COLEC10: variants seen among roughly 807,000 people sequenced by gnomAD.
The protein encoded by COLEC10 is collectin-10.
A neutral mutation model predicts 28.4 loss-of-function variants in COLEC10; 22 were observed. That is an observed-to-expected ratio of 0.78 (90% CI 0.55 to 1.11). COLEC10 has a LOEUF of 1.11. Among genes scored for constraint, COLEC10 ranks in the 50% least tolerant of loss-of-function variants. The probability of loss-of-function intolerance (pLI) is 0.00; values close to 1 mark genes in which losing one functional copy is unlikely to be tolerated. For synonymous variants in COLEC10, 125 were observed against 116.1 expected, an observed-to-expected ratio of 1.08 and a Z score of -0.49; for missense variants, 361 against 344.1, an observed-to-expected ratio of 1.05 and a Z score of -0.39.
At chr8:118,981,910 G>A in the COLEC10 span, among the ~76,000 whole-genome samples, 1 of 152,042 alleles carries the variant, frequency 6.6e-6, no homozygotes, top group Non-Finnish European at 1.5e-5. Context: ...CTCCTAGTGT[G>A]ATGAAGGGTT....
At chr8:118,997,843 C>T (rs895567159) in intron 1 of COLEC10, among the ~76,000 whole-genome samples, 5 of 152,046 alleles carry the variant, frequency 3.3e-5, no homozygotes, top group Non-Finnish European at 5.9e-5. Context: ...AAGGCATGCA[C>T]CTGGAGCTTC....
At chr8:119,071,089 C>T (rs1471580006) in intron 1 of COLEC10, among the ~76,000 whole-genome samples, 1 of 152,064 alleles carries the variant, frequency 6.6e-6, no homozygotes, top group Non-Finnish European at 1.5e-5. Flanking sequence ...AAAATACAGT[C>T]CCCCAGTCAC....
intron 2 of COLEC10, among the ~76,000 whole-genome samples, chr8:119,029,906 G>A (rs1373727388): frequency 6.6e-6 from 1 of 152,184 alleles, no homozygotes; most frequent in Non-Finnish European, 1.5e-5. Flanking sequence ...AGCATGGGTT[G>A]ACCAGGAAGC....
At chr8:119,011,635 A>C (rs1488644740) in intron 2 of COLEC10, among the ~76,000 whole-genome samples, 1 of 150,974 alleles carries the variant, frequency 6.6e-6, no homozygotes, top group Non-Finnish European at 1.5e-5. Flanking sequence ...AATTTCTTTC[A>C]CAAGAGTTTT....
chr8:119,024,789 C>T (rs74886972), intron 2 of COLEC10, among the ~76,000 whole-genome samples: 6,690 of 152,150 alleles, frequency 0.044, 217 homozygotes, highest in East Asian at 0.16. Context: ...AGTCATCTGA[C>T]TTACAGAAAG....
chr8:118,970,591 G>A, the COLEC10 span, among the ~76,000 whole-genome samples: 2 of 151,226 alleles, frequency 1.3e-5, no homozygotes, highest in Admixed American at 1.3e-4. Context: ...ATGCATAGTG[G>A]AATCTCAATA....
intron 2 of COLEC10, among the ~76,000 whole-genome samples, chr8:119,049,401 CTTTTTTTTTTTTTTTTT>C (rs34885340): frequency 1.7e-4 from 10 of 60,072 alleles, no homozygotes; most frequent in Admixed American, 9.5e-4. Context: ...ATTTTCTTTT[CTTTTTTTTTTTTTTTTT>C]TTTTTTTTTT....
intron 1 of COLEC10, 38 bp downstream of exon 1, chr8:119,067,467 TATG>T (rs1814994157): frequency 1.3e-6 from 2 of 1,589,422 alleles, no homozygotes; most frequent in East Asian, 4.5e-5. Context: ...GTATAATAAA[TATG>T]ATATCTTCCC....
intron 2 of COLEC10, among the ~76,000 whole-genome samples, chr8:119,055,526 T>C (rs978957956): frequency 1.3e-5 from 2 of 152,118 alleles, no homozygotes; most frequent in African/African-American, 4.8e-5. Flanking sequence ...GGAGCAAAAT[T>C]TGTGATGGCA....
the COLEC10 span, among the ~76,000 whole-genome samples, chr8:118,956,513 G>A: frequency 1.1e-4 from 17 of 152,254 alleles, no homozygotes; most frequent in South Asian, 3.5e-3. Context: ...ATCAGCTCAA[G>A]GAAGAGATAC....
chr8:118,986,569 A>G, the COLEC10 span, among the ~76,000 whole-genome samples: 2 of 152,318 alleles, frequency 1.3e-5, no homozygotes, highest in Admixed American at 1.3e-4. Context: ...ATTGAAAGTA[A>G]TGTTTGGATG....
At chr8:119,000,413 G>C (rs1451440091) in intron 1 of COLEC10, among the ~76,000 whole-genome samples, 1 of 152,144 alleles carries the variant, frequency 6.6e-6, no homozygotes, top group Non-Finnish European at 1.5e-5. Context: ...CAGCACAGTT[G>C]TGTGCTTTTC....
At chr8:119,053,348 C>T (rs1157261143) in intron 2 of COLEC10, among the ~76,000 whole-genome samples, 6 of 152,026 alleles carry the variant, frequency 3.9e-5, no homozygotes, top group African/African-American at 9.7e-5. Flanking sequence ...AAGGGCAATA[C>T]GCTAGCAAAG....
At chr8:119,003,002 CA>C (rs1196878705) in intron 1 of COLEC10, among the ~76,000 whole-genome samples, 1 of 151,928 alleles carries the variant, frequency 6.6e-6, no homozygotes, top group Admixed American at 6.6e-5. Context: ...GGCTTAGTTC[CA>C]ATTGAACTTG....
intron 3 of COLEC10, among the ~76,000 whole-genome samples, chr8:119,091,595 G>GAGAAAGAAAGAA (rs200954056): frequency 1.5e-3 from 205 of 138,556 alleles, no homozygotes; most frequent in Non-Finnish European, 1.8e-3. Flanking sequence ...GAGAGAGAGA[G>GAGAAAGAAAGAA]AGAAAGAAAG....
At chr8:119,029,184 T>G (rs1387030084) in intron 2 of COLEC10, among the ~76,000 whole-genome samples, 5 of 152,172 alleles carry the variant, frequency 3.3e-5, no homozygotes, top group Non-Finnish European at 5.9e-5. Context: ...TTAGACTTTA[T>G]GCAAGGGTAT....
chr8:118,960,467 A>G, the COLEC10 span, among the ~76,000 whole-genome samples: 1 of 152,108 alleles, frequency 6.6e-6, no homozygotes, highest in Non-Finnish European at 1.5e-5. Context: ...TGTAAATCTC[A>G]TTTTACCTAG....
the COLEC10 span, among the ~76,000 whole-genome samples, chr8:118,974,246 A>T: frequency 6.6e-6 from 1 of 151,410 alleles, no homozygotes; most frequent in African/African-American, 2.4e-5. Context: ...TTTCACCACT[A>T]AAAGGAAACC....
intron 1 of COLEC10, among the ~76,000 whole-genome samples, chr8:119,083,877 G>A (rs964791390): frequency 1.3e-5 from 2 of 152,058 alleles, no homozygotes; most frequent in Admixed American, 6.6e-5. Flanking sequence ...CAGGAGTTGA[G>A]CCTAAGTATG....
Sources: allele counts gnomAD v4.1 joint callset (sites outside exome capture counted in the v4.1 genomes callset), GRCh38; gene constraint gnomAD v4.1.1; transcripts MANE v1.5; gene names NCBI Gene and HGNC (gene_info 2026-07-23, HGNC 2026-07-21).